The following GGA2 variants were observed in gnomAD, a reference collection of about 807,000 sequenced individuals.
GGA2 encodes the protein ADP-ribosylation factor-binding protein GGA2.
GGA2 carries 48 observed loss-of-function variants against 79.5 expected under a neutral mutation model. The observed-to-expected ratio is 0.60, with a 90% CI of 0.48 to 0.77. The LOEUF is 0.77. Among genes scored for constraint, GGA2 ranks in the 30% least tolerant of loss-of-function variants. The pLI, the probability that GGA2 is intolerant of heterozygous loss-of-function variation, is 0.00. For missense variants in GGA2, 770 were observed against 774.0 expected, an observed-to-expected ratio of 0.99 and a Z score of 0.06; for synonymous variants, 317 against 302.0, an observed-to-expected ratio of 1.05 and a Z score of -0.51.
At chr16:23,503,155 T>G (rs1304948640) in intron 1 of GGA2, among the ~76,000 whole-genome samples, 1 of 152,246 alleles carries the variant, frequency 6.6e-6, no homozygotes. Flanking sequence ...TTCTTTCTTG[T>G]GTTTGCTTTC....
At chr16:23,501,221 G>A (rs1217015311) in intron 1 of GGA2, 3 of 448,992 alleles carry the variant, frequency 6.7e-6, no homozygotes, top group Admixed American at 2.4e-5. Flanking sequence ...ATGTGCAATC[G>A]TAGCTTTGGT....
Position 23,465,487 on chromosome 16 carries a change from C to G in GGA2, c.*2103G>C. 1 of 698,526 alleles carries G rather than the reference C, an allele frequency of 1.4e-6. No homozygotes were observed. 43.3% of individuals were successfully genotyped at this position (698,526 alleles called of 1,614,324 possible). A position where few individuals can be genotyped will look rare whatever the true frequency, so the allele number is the denominator to read the frequency against. On this transcript the variant is annotated 3_prime_UTR_variant, in exon 17 of 17. Transcript: ENST00000309859. Reference sequence around the variant, plus strand: ...CTGTCTCCTCAAAAGCAAGAATGTTCAGGTACACATGTGTGAGTTCACCTC... The same window carrying G: ...CTGTCTCCTCAAAAGCAAGAATGTTGAGGTACACATGTGTGAGTTCACCTC...
chr16:23,494,819 C>T (rs1276914498), intron 2 of GGA2, among the ~76,000 whole-genome samples: 2 of 152,206 alleles, frequency 1.3e-5, no homozygotes, highest in Non-Finnish European at 2.9e-5. Context: ...CAGTGGCTCA[C>T]GCCTGTAATC....
chr16:23,491,553 A>T, intron 5 of GGA2, 124 bp downstream of exon 5: 1 of 590,420 alleles, frequency 1.7e-6, no homozygotes, highest in Admixed American at 3.0e-5. Flanking sequence ...AAAAAACTCT[A>T]CCTCAGTGTC....
chr16:23,486,148 T>A lies in GGA2; in HGVS notation c.665A>T (p.Gln222Leu). ...RLIKNLVKEE[Q>L]EKSEKVSKRV... ...CTTGGACACCTTCTCCGATTTTTCT[T>A]GTTCCTTTTGGGAAAAAGAGGAGGA... Residue 222 changes from glutamine (Q) to leucine (L), a missense_variant, in exon 8 of 17, where the codon CAA becomes CTA. By Grantham distance (113) the Gln-to-Leu change is moderately radical. Transcript: ENST00000309859. The A allele has an allele frequency of 1.2e-6, 2 of 1,613,944 alleles. No individual in the cohort carries two copies. The highest frequency in any genetic ancestry group is 4.5e-5 in the East Asian group (2 of 44,884).
chr16:23,478,634 G>A (rs1230432446), intron 12 of GGA2, 133 bp from the exon 13 acceptor site: 2 of 913,840 alleles, frequency 2.2e-6, no homozygotes, highest in African/African-American at 1.6e-5. Flanking sequence ...TGGGGCAAGA[G>A]GGGAAAGAAA....
At chr16:23,511,486 G>A (rs1208209029), upstream of GGA2, among the ~76,000 whole-genome samples, 1 of 145,504 alleles carries the variant, frequency 6.9e-6, no homozygotes, top group Non-Finnish European at 1.5e-5. Flanking sequence ...ATTCACAGAA[G>A]GGTTTTCCTG....
chr16:23,482,804 C>T (rs1227295147), intron 9 of GGA2, 119 bp downstream of exon 9: 1 of 711,466 alleles, frequency 1.4e-6, no homozygotes, highest in Non-Finnish European at 2.6e-6. Context: ...CTCCCCAAGC[C>T]CAAGCTCCAC....
intron 6 of GGA2, among the ~76,000 whole-genome samples, chr16:23,487,419 T>C (rs1487986925): frequency 2.0e-5 from 3 of 152,132 alleles, no homozygotes; most frequent in African/African-American, 7.2e-5. Context: ...AGGAATGCTG[T>C]GAACATCCTA....
At chr16:23,484,713 C>T (rs1308580605) in intron 8 of GGA2, among the ~76,000 whole-genome samples, 1 of 152,206 alleles carries the variant, frequency 6.6e-6, no homozygotes, top group East Asian at 1.9e-4. Context: ...AAAAAGATAA[C>T]AGCAAATGTT....
upstream of GGA2, chr16:23,524,299 T>C: frequency 1.5e-6 from 2 of 1,377,880 alleles, no homozygotes; most frequent in South Asian, 1.2e-5. Flanking sequence ...CAGGCCTCCT[T>C]CTGGTCTCTG....
chr16:23,512,634 T>C (rs1457294667), upstream of GGA2, among the ~76,000 whole-genome samples: 1 of 151,472 alleles, frequency 6.6e-6, no homozygotes. Flanking sequence ...GATCTATACA[T>C]GATGTCCATT....
rs747560419 is a variant in GGA2, at chr16:23,488,680, C to G, written c.505G>C (p.Val169Leu). The part of the protein sequence containing the change: ...GIIKQDPKLP[V>L]DKILPPPSPW... ...GATGGTGGGGGTAAGATTTTATCCA[C>G]TGGTAGTTTAGGGTCTTGTTTTATA... is the stretch of plus-strand genomic sequence containing the variant. Residue 169 changes from valine to leucine, a missense_variant, in exon 6 of 17, where the codon GTG (valine) becomes CTG (leucine). Physicochemically the swap from Val to Leu is conservative, Grantham distance 32 (BLOSUM62 1). Transcript: ENST00000309859. The G allele has an allele frequency of 6.2e-7, 1 of 1,605,180 alleles. No individual in the cohort carries two copies. Among genetic ancestry groups the G allele is most frequent in the Non-Finnish European group, 8.5e-7 (1 of 1,172,022 alleles).
intron 1 of GGA2, among the ~76,000 whole-genome samples, chr16:23,503,033 T>A (rs1249948458): frequency 1.3e-5 from 2 of 152,218 alleles, no homozygotes; most frequent in Non-Finnish European, 2.9e-5. Flanking sequence ...TTTCCTTGGG[T>A]ATGGCCAGAC....
chr16:23,499,187 C>T (rs1161338155), intron 1 of GGA2, among the ~76,000 whole-genome samples: 5 of 151,514 alleles, frequency 3.3e-5, no homozygotes, highest in African/African-American at 7.3e-5. Context: ...CTCTGTCACC[C>T]GGGCTGGTGT....
chr16:23,480,996 T>C (rs764839398), intron 9 of GGA2, among the ~76,000 whole-genome samples: 1 of 152,232 alleles, frequency 6.6e-6, no homozygotes, highest in African/African-American at 2.4e-5. Flanking sequence ...CTGTTCACCT[T>C]CTACACCTGT....
chr16:23,467,680 G>A lies in GGA2; in HGVS notation c.1752C>T (p.Tyr584=). 5 of 1,595,314 alleles carry A rather than the reference G, an allele frequency of 3.1e-6. No individual in the cohort carries two copies. Among genetic ancestry groups the A allele is most frequent in the Non-Finnish European group, 4.3e-6 (5 of 1,162,914 alleles). Residue 584 remains tyrosine, a synonymous_variant, in exon 17 of 17, where the codon TAC becomes TAT. Coordinates refer to ENST00000309859, the MANE Select transcript of GGA2 (RefSeq NM_015044.4). ...NPHKEPIRLR[Y]KLTFNQGGQP... is the part of the protein sequence containing the mutation. ...GTCCACCTTGGTTGAATGTCAGCTTGTACCGTAAGCGGATAGGTTCCTGGG... is the reference window on the plus strand; with the variant it reads ...GTCCACCTTGGTTGAATGTCAGCTTATACCGTAAGCGGATAGGTTCCTGGG...
At chr16:23,508,476 C>G (rs143177094) in intron 1 of GGA2, among the ~76,000 whole-genome samples, 3 of 152,118 alleles carry the variant, frequency 2.0e-5, no homozygotes, top group Non-Finnish European at 2.9e-5. Context: ...TGGTTGGTTA[C>G]CAAATTCAAA....
At chr16:23,476,234 G>A (rs1432948821) in intron 13 of GGA2, among the ~76,000 whole-genome samples, 1 of 152,110 alleles carries the variant, frequency 6.6e-6, no homozygotes, top group Non-Finnish European at 1.5e-5. Context: ...CCGAGTGGCT[G>A]AAAAAAAGAA....
Sources: gnomAD v4.1 joint callset for allele counts (sites outside exome capture counted in the v4.1 genomes callset) on GRCh38, gnomAD v4.1.1 for gene constraint, MANE v1.5 for transcripts, NCBI Gene and HGNC (gene_info 2026-07-23, HGNC 2026-07-21) for gene names.